NPC1: variants seen among roughly 807,000 people sequenced by gnomAD.
NPC1 encodes Niemann-Pick C1 protein.
NPC1 carries 85 observed loss-of-function variants against 140.4 expected under a neutral mutation model. The observed-to-expected ratio is 0.61, with a 90% CI of 0.51 to 0.72. The LOEUF is 0.72. NPC1 is among the 30% of genes least tolerant of loss of function. NPC1 has a pLI of 0.00. For missense variants in NPC1, 1,504 were observed against 1,623.8 expected, an observed-to-expected ratio of 0.93 and a Z score of 1.27; for synonymous variants, 656 against 624.8, an observed-to-expected ratio of 1.05 and a Z score of -0.74.
chr18:23,552,515 A>C (rs1763376758), intron 9 of NPC1, among the ~76,000 whole-genome samples: 1 of 152,212 alleles, frequency 6.6e-6, no homozygotes, highest in South Asian at 2.1e-4. Flanking sequence ...GCTGTTTTAC[A>C]AAGATAGCTT....
rs144548357 is a variant in NPC1 at position 23,568,313 on chromosome 18, T to C, written c.463+510A>G. ...GTTGCTTTTGTGAATGAGACCTTTT[T>C]TCTATGGAATTTTTTTGTTACCTTT... On this transcript the variant is annotated intron_variant, in intron 4 of 24. Coordinates refer to ENST00000269228, the MANE Select transcript of NPC1 (RefSeq NM_000271.5). Among the ~76,000 whole-genome samples, 924 of 152,314 alleles carry C rather than the reference T, an allele frequency of 6.1e-3. 3 individuals are homozygous for C. Among genetic ancestry groups the C allele is most frequent in the Middle Eastern group, 0.017 (5 of 294 alleles).
At chr18:23,586,183 T>C (rs1747118223) in intron 1 of NPC1, 104 bp downstream of exon 1, 3 of 1,285,770 alleles carry the variant, frequency 2.3e-6, no homozygotes, top group Non-Finnish European at 3.2e-6. Flanking sequence ...CCAGACCAAC[T>C]TCCCCAGGAC....
At chr18:23,507,776 TA>T (rs1297485382) in intron 3 of NPC1, among the ~76,000 whole-genome samples, 2 of 152,086 alleles carry the variant, frequency 1.3e-5, no homozygotes, top group Non-Finnish European at 1.5e-5. Flanking sequence ...TGTATTAACT[TA>T]AAAAAAATTG....
In NPC1 at chr18:23,535,623, G is replaced by GC. The variant is rs2145351244; in HGVS notation, c.3322dup (p.Ala1108GlyfsTer13). On this transcript the variant is annotated frameshift_variant, in exon 22 of 25. Coordinates refer to ENST00000269228, the MANE Select transcript of NPC1 (RefSeq NM_000271.5). LOFTEE classifies it high-confidence loss of function. ...GAGGACCATGGTCACCAGAAATATC[G>GC]CGCCCAGGGACACACCGAGGTTGAA... 2 of 1,614,030 alleles carry GC rather than the reference G, an allele frequency of 1.2e-6. No homozygotes were observed. Among genetic ancestry groups the GC allele is most frequent in the Non-Finnish European group, 1.7e-6 (2 of 1,179,998 alleles).
chr18:23,520,124 A>G (rs943934283), downstream of NPC1: 4 of 1,087,916 alleles, frequency 3.7e-6, no homozygotes, highest in African/African-American at 6.2e-5. Flanking sequence ...TGATTTAAAC[A>G]GCAAGATGGG....
At chr18:23,552,707 T>C (rs181290874) in intron 9 of NPC1, among the ~76,000 whole-genome samples, 92 of 152,278 alleles carry the variant, frequency 6.0e-4, no homozygotes, top group African/African-American at 1.9e-3. Context: ...CTTGGCCAGG[T>C]GCTGAGAAGC....
intron 11 of NPC1, among the ~76,000 whole-genome samples, 186 bp downstream of exon 11, chr18:23,547,820 T>G (rs765673990): frequency 8.5e-5 from 13 of 152,240 alleles, no homozygotes; most frequent in Non-Finnish European, 1.8e-4. Flanking sequence ...GAGAGCTGTT[T>G]AAAGCACCTG....
At chr18:23,513,253 C>T (rs1304078861) in intron 3 of NPC1, among the ~76,000 whole-genome samples, 1 of 152,154 alleles carries the variant, frequency 6.6e-6, no homozygotes, top group Non-Finnish European at 1.5e-5. Context: ...TGTGTCCGGC[C>T]GAATTTGATT....
chr18:23,539,675 G>A (rs757114246), intron 18 of NPC1, 136 bp downstream of exon 18: 219 of 1,039,546 alleles, frequency 2.1e-4, no homozygotes, highest in Middle Eastern at 2.1e-3. Context: ...GGTAAAGCCA[G>A]ATTTAACATA....
chr18:23,557,936 G>A (rs2058978909), intron 6 of NPC1, among the ~76,000 whole-genome samples: 1 of 152,158 alleles, frequency 6.6e-6, no homozygotes, highest in South Asian at 2.1e-4. Context: ...CAGCCAGAAG[G>A]CACTCCCAAT....
intron 14 of NPC1, among the ~76,000 whole-genome samples, chr18:23,542,394 A>G (rs2058725573): frequency 1.3e-5 from 2 of 152,054 alleles, no homozygotes; most frequent in East Asian, 1.9e-4. Flanking sequence ...ACCTACAATG[A>G]CCTTACAATG....
intron 1 of NPC1, among the ~76,000 whole-genome samples, chr18:23,582,808 A>G (rs1212634612): frequency 9.0e-3 from 126 of 14,060 alleles, no homozygotes; most frequent in African/African-American, 0.037. Flanking sequence ...CTGGTCTTGA[A>G]AAAAAAAAAA....
intron 3 of NPC1, chr18:23,509,421 G>A: frequency 3.0e-6 from 1 of 330,974 alleles, no homozygotes; most frequent in Non-Finnish European, 5.4e-6. Flanking sequence ...CCAGGCTGCA[G>A]TGCAGTGGCA....
chr18:23,582,560 G>A (rs2059368552), intron 1 of NPC1, among the ~76,000 whole-genome samples: 1 of 152,162 alleles, frequency 6.6e-6, no homozygotes, highest in African/African-American at 2.4e-5. Flanking sequence ...CCAGCACTTT[G>A]GGAGGCGGAG....
At chr18:23,529,245 C>T, downstream of NPC1, 1 of 1,614,032 alleles carries the variant, frequency 6.2e-7, no homozygotes, top group Non-Finnish European at 8.5e-7. Flanking sequence ...CCAGGCGGTG[C>T]TGGACCAGTC....
intron 24 of NPC1, 143 bp downstream of exon 24, chr18:23,533,212 G>T (rs933538194): frequency 7.3e-6 from 7 of 964,382 alleles, no homozygotes; most frequent in African/African-American, 3.3e-5. Flanking sequence ...TCTTTTAGAA[G>T]AAATTTTTTT....
rs181710506 is a variant in NPC1, at chr18:23,551,306, A to G, written c.1654+321T>C. ...CCATGAGCTCCCTAGAGGGTCTATA[A>G]ATGAACTTCGGAGGCCCATGACCTT... On this transcript the variant is annotated intron_variant, in intron 10 of 24. Transcript: ENST00000269228. Among the ~76,000 whole-genome samples, 30 of 152,324 alleles carry G rather than the reference A, an allele frequency of 2.0e-4. 1 individual carries two copies. Among genetic ancestry groups the G allele is most frequent in the Admixed American group, 1.8e-3 (27 of 15,302 alleles).
At chr18:23,580,121 C>T (rs2059340266) in intron 1 of NPC1, among the ~76,000 whole-genome samples, 1 of 152,160 alleles carries the variant, frequency 6.6e-6, no homozygotes, top group Non-Finnish European at 1.5e-5. Context: ...AACAAAAATA[C>T]CAAACATCGA....
chr18:23,561,794 C>G (rs1264468310), intron 4 of NPC1, among the ~76,000 whole-genome samples: 1 of 152,164 alleles, frequency 6.6e-6, no homozygotes, highest in Non-Finnish European at 1.5e-5. Context: ...TCTCATAGCT[C>G]TCACAACAGC....
Sources: gnomAD v4.1 joint callset for allele counts (sites outside exome capture counted in the v4.1 genomes callset) on GRCh38, gnomAD v4.1.1 for gene constraint, MANE v1.5 for transcripts, NCBI Gene and HGNC (gene_info 2026-07-23, HGNC 2026-07-21) for gene names.